The following TNIK variants were observed in gnomAD, a reference collection of about 807,000 sequenced individuals.
The protein encoded by TNIK is TRAF2 and NCK interacting kinase.
TNIK carries 49 observed loss-of-function variants against 191.3 expected under a neutral mutation model. The observed-to-expected ratio is 0.26, with a 90% confidence interval of 0.20 to 0.32. The LOEUF (loss-of-function observed/expected upper bound fraction) is 0.32. Ranked by LOEUF, TNIK falls within the 10% of genes least tolerant of loss-of-function variation. The pLI is 1.00. For missense variants in TNIK, 1,155 were observed against 1,702.3 expected (o/e 0.68, Z 5.66); for synonymous variants, 594 against 600.9 (o/e 0.99, Z 0.17).
chr3:171,304,974 G>A (rs566691658), intron 2 of TNIK, among the ~76,000 whole-genome samples: 95 of 145,568 alleles, frequency 6.5e-4, no homozygotes, highest in East Asian at 6.4e-3. Context: ...AAACCTGCAC[G>A]TTGTGTACAT....
At chr3:171,415,767 G>A (rs1722964517) in intron 1 of TNIK, among the ~76,000 whole-genome samples, 1 of 151,690 alleles carries the variant, frequency 6.6e-6, no homozygotes, top group Non-Finnish European at 1.5e-5. Flanking sequence ...GATCACCTGA[G>A]GTCAGGAGTT....
chr3:171,396,688 A>G (rs150888902), intron 1 of TNIK, among the ~76,000 whole-genome samples: 218 of 152,334 alleles, frequency 1.4e-3, no homozygotes, highest in African/African-American at 4.7e-3. Context: ...TGCAAATCCT[A>G]TCTTCTAAGA....
intron 1 of TNIK, among the ~76,000 whole-genome samples, chr3:171,459,357 G>A (rs985613837): frequency 2.0e-5 from 3 of 152,184 alleles, no homozygotes; most frequent in Non-Finnish European, 4.4e-5. Context: ...AAGTCAGAAA[G>A]AACAGGCAGG....
intron 2 of TNIK, among the ~76,000 whole-genome samples, chr3:171,333,547 C>T (rs1289638706): frequency 6.8e-6 from 1 of 147,690 alleles, no homozygotes; most frequent in Non-Finnish European, 1.5e-5. Context: ...GCACTCCAAC[C>T]TGGGCGAAAC....
chr3:171,319,513 A>G (rs953971256), intron 2 of TNIK, among the ~76,000 whole-genome samples: 19 of 150,612 alleles, frequency 1.3e-4, no homozygotes, highest in Admixed American at 5.3e-4. Flanking sequence ...GATTTGGGGG[A>G]AAAAAAAAGA....
intron 1 of TNIK, among the ~76,000 whole-genome samples, chr3:171,439,872 C>T (rs1235966842): frequency 6.6e-6 from 1 of 152,218 alleles, no homozygotes; most frequent in Non-Finnish European, 1.5e-5. Flanking sequence ...ACCTAGCACA[C>T]ACAGCCCTCA....
At chr3:171,457,606 T>C (rs79960083) in intron 1 of TNIK, among the ~76,000 whole-genome samples, 2 of 152,170 alleles carry the variant, frequency 1.3e-5, no homozygotes, top group African/African-American at 2.4e-5. Context: ...TGATCTGCCC[T>C]CTGATTTGTG....
chr3:171,332,681 G>A (rs1442754400), intron 2 of TNIK, among the ~76,000 whole-genome samples: 1 of 152,188 alleles, frequency 6.6e-6, no homozygotes, highest in Non-Finnish European at 1.5e-5. Context: ...ATAACCTGAA[G>A]GCCAGGTGCA....
intron 7 of TNIK, among the ~76,000 whole-genome samples, chr3:171,181,012 T>C (rs1176938676): frequency 4.6e-5 from 7 of 152,210 alleles, no homozygotes; most frequent in East Asian, 1.9e-4. Flanking sequence ...GAAACAGGTA[T>C]TGATTGATTG....
chr3:171,100,581 T>C (rs1723336719), intron 22 of TNIK, among the ~76,000 whole-genome samples: 1 of 151,844 alleles, frequency 6.6e-6, no homozygotes, highest in Non-Finnish European at 1.5e-5. Flanking sequence ...AGTGTGAAGA[T>C]GGAAAAATTA....
chr3:171,322,727 T>G (rs1028769134), intron 2 of TNIK, among the ~76,000 whole-genome samples: 1 of 152,110 alleles, frequency 6.6e-6, no homozygotes. Flanking sequence ...CTCATTTCAG[T>G]GCTCAGGAAA....
chr3:171,235,891 T>C (rs1361100071), intron 2 of TNIK, among the ~76,000 whole-genome samples: 1 of 151,974 alleles, frequency 6.6e-6, no homozygotes, highest in Non-Finnish European at 1.5e-5. Context: ...ACAAAAAAGG[T>C]TCTTGATGCA....
chr3:171,285,848 G>A (rs1424964273), intron 2 of TNIK, among the ~76,000 whole-genome samples: 7 of 152,194 alleles, frequency 4.6e-5, no homozygotes, highest in Admixed American at 3.9e-4. Flanking sequence ...GCAGGCCCCA[G>A]GCCTTGGTGA....
chr3:171,384,545 G>T lies in TNIK; in HGVS notation c.58-14860C>A, dbSNP rs200555735. ...GTATTGATAAAATCTACCCAGCAGAGATATGATGAGAATGAGGGGAAACAT... is the reference window on the plus strand; with the variant it reads ...GTATTGATAAAATCTACCCAGCAGATATATGATGAGAATGAGGGGAAACAT... On this transcript the variant is annotated intron_variant, in intron 1 of 32. Transcript: ENST00000436636. Among the ~76,000 whole-genome samples, 46 of 152,330 alleles carry T rather than the reference G, an allele frequency of 3.0e-4. No homozygotes were observed. In the East Asian group the frequency reaches 3.9e-3, roughly 13 times the overall value.
At position 171,418,632 on chromosome 3, in the gene TNIK, A is replaced by G. The variant is rs139143711; in HGVS notation, c.57+41375T>C. Among the ~76,000 whole-genome samples, 21 of 152,324 alleles carry G rather than the reference A, an allele frequency of 1.4e-4. No individual in the cohort carries two copies. In the East Asian group the frequency reaches 4.0e-3, roughly 29 times the overall value. On this transcript the variant is annotated intron_variant, in intron 1 of 32. Coordinates refer to ENST00000436636, the MANE Select transcript of TNIK (RefSeq NM_015028.4). Reference sequence around the variant, plus strand: ...TTGTATGAAATTTCCAGAACAGAGAAATCTACAGGGACAGAAAGTAGATTA... The same window carrying G: ...TTGTATGAAATTTCCAGAACAGAGAGATCTACAGGGACAGAAAGTAGATTA...
At chr3:171,454,563 T>A (rs1728581250) in intron 1 of TNIK, among the ~76,000 whole-genome samples, 1 of 152,218 alleles carries the variant, frequency 6.6e-6, no homozygotes, top group South Asian at 2.1e-4. Context: ...TGAAAATGAT[T>A]ATGCATATTT....
At chr3:171,107,093 C>T (rs987603376) in intron 21 of TNIK, 90 bp downstream of exon 21, 1 of 1,361,100 alleles carries the variant, frequency 7.3e-7, no homozygotes, top group African/African-American at 1.5e-5. Flanking sequence ...CTGATTGCTC[C>T]CATTGGCCAC....
chr3:171,422,450 A>G (rs1723943588), intron 1 of TNIK, among the ~76,000 whole-genome samples: 2 of 152,172 alleles, frequency 1.3e-5, no homozygotes, highest in Admixed American at 1.3e-4. Flanking sequence ...GACAATATTT[A>G]TATGGTCAAG....
intron 3 of TNIK, among the ~76,000 whole-genome samples, chr3:171,213,188 A>G (rs1198993317): frequency 6.6e-6 from 1 of 151,986 alleles, no homozygotes; most frequent in South Asian, 2.1e-4. Flanking sequence ...CGCACCTCCA[A>G]TGTCTTACTA....
Sources: allele counts gnomAD v4.1 joint callset (sites outside exome capture counted in the v4.1 genomes callset), GRCh38; gene constraint gnomAD v4.1.1; transcripts MANE v1.5; gene names NCBI Gene and HGNC (gene_info 2026-07-23, HGNC 2026-07-21).